Variants in GREB1 observed in about 807,000 individuals in gnomAD.
GREB1 encodes the protein protein GREB1.
GREB1 carries 106 observed loss-of-function variants against 200.7 expected under a neutral mutation model. The ratio of observed to expected loss-of-function variants is 0.53; its 90% confidence interval spans 0.45 to 0.62. The LOEUF (loss-of-function observed/expected upper bound fraction) is 0.62, where lower values mean the gene tolerates loss of function less well. Ranked by LOEUF, GREB1 falls within the 20% of genes least tolerant of loss-of-function variation. The pLI is 0.00. For synonymous variants in GREB1, 1,132 were observed against 1,092.4 expected (o/e 1.04, Z -0.72); for missense variants, 2,243 against 2,556.8 (o/e 0.88, Z 2.65).
At chr2:11,536,392 G>A (rs1404374640) in intron 1 of GREB1, among the ~76,000 whole-genome samples, 1 of 152,176 alleles carries the variant, frequency 6.6e-6, no homozygotes, top group African/African-American at 2.4e-5. Context: ...GAAACATTTT[G>A]TAAAAGCCAA....
intron 1 of GREB1, among the ~76,000 whole-genome samples, chr2:11,524,981 T>C (rs1462976087): frequency 2.6e-5 from 4 of 152,146 alleles, no homozygotes; most frequent in Non-Finnish European, 5.9e-5. Flanking sequence ...TTCTCTCTTC[T>C]GGTTTGGAAA....
At position 11,597,833 on chromosome 2, in the gene GREB1, G is replaced by C. The variant is rs746521423; in HGVS notation, c.2007G>C (p.Gln669His). 2 of 1,614,118 alleles carry C rather than the reference G, an allele frequency of 1.2e-6. No homozygotes were observed. The highest frequency in any genetic ancestry group is 4.5e-5 in the East Asian group (2 of 44,896). Reference protein sequence around the residue: ...SIRPFQLAVAQKLLSHVCSIA... With the variant: ...SIRPFQLAVAHKLLSHVCSIA... The stretch of plus-strand genomic sequence containing the variant: ...GGCCCTTCCAGCTGGCAGTAGCGCA[G>C]AAGCTCCTCTCCCATGTGTGTTCCA... The change falls in exon 14 of 33, where the codon CAG becomes CAC. Residue 669 changes from glutamine to histidine, a missense_variant. Gln to His is a conservative substitution (Grantham distance 24). Coordinates refer to ENST00000381486, the MANE Select transcript of GREB1 (RefSeq NM_014668.4). This position sits in a 1 kb window ranked among gnomAD's most constrained non-coding sequence, Gnocchi z 4.1.
In GREB1 at chr2:11,563,461, CCT is replaced by C. The variant is rs1374889398; in HGVS notation, c.277+880_277+881del. Reference sequence around the variant, plus strand: ...TGTGCACTCAGGCTTGGTGTACACCCCTGACTCTGCCACCCATGAGCCACACG... The same window carrying C: ...TGTGCACTCAGGCTTGGTGTACACCCGACTCTGCCACCCATGAGCCACACG... On this transcript the variant is annotated intron_variant, in intron 3 of 32. Coordinates refer to ENST00000381486, the MANE Select transcript of GREB1 (RefSeq NM_014668.4). 2.0e-5 allele frequency among the ~76,000 whole-genome samples: 3 copies of C among 152,212 alleles called. No homozygotes were observed. In the East Asian group the frequency reaches 5.8e-4, roughly 29 times the overall value.
chr2:11,508,889 TTTC>T (rs1279075999), intron 1 of GREB1, among the ~76,000 whole-genome samples: 9 of 148,304 alleles, frequency 6.1e-5, no homozygotes, highest in Admixed American at 6.7e-5. Flanking sequence ...TTTTTTTTTT[TTTC>T]GGGACAGAGT....
intron 17 of GREB1, among the ~76,000 whole-genome samples, chr2:11,603,994 G>A (rs979667604): frequency 3.3e-5 from 5 of 152,208 alleles, no homozygotes; most frequent in African/African-American, 1.2e-4. Context: ...CCCCAACCCT[G>A]CTTGCTTGGC....
intron 10 of GREB1, chr2:11,592,215 TG>T: frequency 8.9e-6 from 3 of 338,754 alleles, no homozygotes; most frequent in Non-Finnish European, 8.3e-6. Flanking sequence ...ACAACAGCAG[TG>T]TTTTGGGTGA....
chr2:11,522,989 G>A (rs562641963), intron 1 of GREB1, among the ~76,000 whole-genome samples: 2 of 152,302 alleles, frequency 1.3e-5, no homozygotes, highest in East Asian at 3.9e-4. Flanking sequence ...CCCATCAGTG[G>A]TAGACAGGAT....
chr2:11,553,460 G>A (rs1676127623), intron 1 of GREB1, among the ~76,000 whole-genome samples: 1 of 151,886 alleles, frequency 6.6e-6, no homozygotes, highest in Non-Finnish European at 1.5e-5. Flanking sequence ...ACTCCAGCCT[G>A]GGCAACAAAG....
At chr2:11,630,885 G>A (rs888707576) in intron 26 of GREB1, among the ~76,000 whole-genome samples, 30 of 152,330 alleles carry the variant, frequency 2.0e-4, no homozygotes, top group African/African-American at 6.5e-4. Context: ...CCCGCTCAAG[G>A]CAGGCCATGT....
chr2:11,612,179 G>A, intron 18 of GREB1: 2 of 373,268 alleles, frequency 5.4e-6, no homozygotes, highest in South Asian at 1.1e-4. Context: ...GGGTGACTCA[G>A]CGAGACTCTG....
chr2:11,511,832 A>G (rs927436510), intron 1 of GREB1, among the ~76,000 whole-genome samples: 5 of 152,076 alleles, frequency 3.3e-5, no homozygotes, highest in African/African-American at 1.2e-4. Context: ...TCCTGCCTCT[A>G]GAGCTGATGT....
intron 1 of GREB1, among the ~76,000 whole-genome samples, chr2:11,553,867 G>A (rs534999511): frequency 5.9e-4 from 90 of 152,076 alleles, no homozygotes; most frequent in Non-Finnish European, 1.2e-3. Flanking sequence ...TGGATGCCCC[G>A]ATGTGTTCTT....
At chr2:11,622,328 G>A (rs779723688) in intron 23 of GREB1, among the ~76,000 whole-genome samples, 5 of 152,234 alleles carry the variant, frequency 3.3e-5, no homozygotes, top group East Asian at 1.9e-4. Context: ...TGACCCACAC[G>A]CTTCAGCCTC....
intron 1 of GREB1, among the ~76,000 whole-genome samples, chr2:11,501,583 G>A (rs1037925300): frequency 1.1e-4 from 16 of 151,924 alleles, no homozygotes; most frequent in African/African-American, 2.7e-4. Flanking sequence ...TAGTAGAGAC[G>A]GCGTTTCACT....
In GREB1 at chr2:11,640,535, T is replaced by A; in HGVS notation, c.*81T>A. Reference sequence around the variant, plus strand: ...GAGGCTAAAGGGAGGCCTGGAACGGTGGGGCGTTTGACTGGAATGGACCCC... The same window carrying A: ...GAGGCTAAAGGGAGGCCTGGAACGGAGGGGCGTTTGACTGGAATGGACCCC... On this transcript the variant is annotated 3_prime_UTR_variant, in exon 33 of 33. Transcript: ENST00000381486. The surrounding 1 kb of genome is among the most constrained non-coding windows in gnomAD (Gnocchi z 4.6). The A allele has an allele frequency of 6.6e-7, 1 of 1,513,422 alleles. No individual in the cohort carries two copies. 93.7% of individuals were successfully genotyped at this position (1,513,422 alleles called of 1,614,324 possible).
chr2:11,596,387 G>A (rs1009821089), intron 13 of GREB1, 148 bp downstream of exon 13: 3 of 528,042 alleles, frequency 5.7e-6, no homozygotes, highest in African/African-American at 4.1e-5. Context: ...TGTATAGTGA[G>A]GGGGGACGGG....
chr2:11,505,074 G>A (rs1673144765), intron 1 of GREB1, among the ~76,000 whole-genome samples: 1 of 152,166 alleles, frequency 6.6e-6, no homozygotes, highest in African/African-American at 2.4e-5. Context: ...TGGGACTACA[G>A]GAGCATGCAA....
chr2:11,558,438 C>T (rs1013111816), intron 2 of GREB1, among the ~76,000 whole-genome samples: 2 of 152,210 alleles, frequency 1.3e-5, no homozygotes, highest in African/African-American at 4.8e-5. Context: ...CTTAAGCCTT[C>T]ATTCCTCCGG....
intron 1 of GREB1, among the ~76,000 whole-genome samples, chr2:11,539,681 A>C (rs1191189613): frequency 6.6e-6 from 1 of 152,192 alleles, no homozygotes; most frequent in African/African-American, 2.4e-5. Context: ...TGTGGAGAGC[A>C]CTGTGACCCA....
Sources: gnomAD v4.1 joint callset for allele counts (sites outside exome capture counted in the v4.1 genomes callset) on GRCh38, gnomAD v4.1.1 for gene constraint, Gnocchi (gnomAD v3.1) non-coding constraint, MANE v1.5 for transcripts, NCBI Gene and HGNC (gene_info 2026-07-23, HGNC 2026-07-21) for gene names.